CPD: variants seen among roughly 807,000 people sequenced by gnomAD.
The protein encoded by CPD is carboxypeptidase D, also known as metallocarboxypeptidase D.
Under a neutral mutation model 138.3 loss-of-function variants are expected in CPD, and 69 were observed. That is an observed-to-expected ratio of 0.50 (90% CI 0.41 to 0.61). The LOEUF is 0.61. Ranked by LOEUF, CPD falls within the 20% of genes least tolerant of loss-of-function variation. CPD has a pLI of 0.00. For synonymous variants in CPD, 651 were observed against 642.1 expected (o/e 1.01, Z -0.21); for missense variants, 1,432 against 1,733.3 (o/e 0.83, Z 3.09).
rs1910994641 is a variant in CPD at position 30,379,779 on chromosome 17, T to TG, written c.746+55dup. ...CGTGTGAGCCTCCAAGGGCCGAGGC[T>TG]GGTTCCGGCACCCAGTAGGCGCTCA... On this transcript the variant is annotated intron_variant, in intron 1 of 20. Transcript: ENST00000225719. The surrounding 1 kb of genome is among the most constrained non-coding windows in gnomAD (Gnocchi z 7.0). 17 of 1,296,840 alleles carry TG rather than the reference T, an allele frequency of 1.3e-5. 1 individual carries two copies. The South Asian group carries it at 3.1e-4, about 24-fold the overall frequency. 80.3% of individuals were successfully genotyped at this position (1,296,840 alleles called of 1,614,324 possible).
intron 2 of CPD, among the ~76,000 whole-genome samples, chr17:30,391,852 T>C (rs1911363856): frequency 6.6e-6 from 1 of 152,178 alleles, no homozygotes; most frequent in Admixed American, 6.5e-5. Flanking sequence ...GAGTTTAAAC[T>C]TACTCTTGAA....
At chr17:30,463,543 T>C (rs1489453606) in intron 20 of CPD, among the ~76,000 whole-genome samples, 1 of 152,210 alleles carries the variant, frequency 6.6e-6, no homozygotes, top group Admixed American at 6.5e-5. Context: ...AACTAATTCA[T>C]GTCATTGCTT....
intron 14 of CPD, among the ~76,000 whole-genome samples, chr17:30,453,733 C>T (rs1426977772): frequency 6.6e-6 from 1 of 152,224 alleles, no homozygotes; most frequent in African/African-American, 2.4e-5. Flanking sequence ...GAGGGGCCTG[C>T]CCCTGCAGCA....
rs534363156 is a variant in CPD, at chr17:30,464,421, T to C, written c.3917-167T>C. ...TTTGCTTATCTGTATTTTTAAACTTTGTATATTGTACATATACTGCTTCTA... is the reference window on the plus strand; with the variant it reads ...TTTGCTTATCTGTATTTTTAAACTTCGTATATTGTACATATACTGCTTCTA... On this transcript the variant is annotated intron_variant, in intron 20 of 20. Transcript: ENST00000225719. 9.8e-5 allele frequency among the ~76,000 whole-genome samples: 15 copies of C among 152,330 alleles called. No homozygotes were observed. In the East Asian group the frequency reaches 2.7e-3, roughly 27 times the overall value.
At chr17:30,385,297 A>C (rs1911154578) in intron 2 of CPD, 61 bp downstream of exon 2, 1 of 1,534,998 alleles carries the variant, frequency 6.5e-7, no homozygotes, top group South Asian at 1.2e-5. Flanking sequence ...TGTTATGTGT[A>C]TTCTGAGCAA....
intron 11 of CPD, 133 bp downstream of exon 11, chr17:30,444,104 T>C: frequency 1.2e-6 from 1 of 822,930 alleles, no homozygotes; most frequent in Admixed American, 2.6e-5. Context: ...TTAGGGCTGG[T>C]TATACCTTTG....
At chr17:30,402,500 A>AG (rs1911700266) in intron 2 of CPD, among the ~76,000 whole-genome samples, 1 of 152,218 alleles carries the variant, frequency 6.6e-6, no homozygotes, top group Non-Finnish European at 1.5e-5. Context: ...TGAGAGGCAG[A>AG]GGTTGCAGTG....
Position 30,431,811 on chromosome 17 carries a change from A to G in CPD, c.2057A>G (p.Gln686Arg). 6.2e-7 allele frequency: 1 copy of G among 1,613,102 alleles called. No individual in the cohort carries two copies. The highest frequency in any genetic ancestry group is 8.5e-7 in the Non-Finnish European group (1 of 1,179,548). ...VVNYPFDDDE[Q>R]GLATYSKSPD... ...AACTACCCTTTTGATGATGATGAAC[A>G]AGGACTTGCCACATATAGTAAATCA... Residue 686 changes from glutamine to arginine, a missense_variant, in exon 8 of 21, where the codon CAA becomes CGA. By Grantham distance (43) the Gln-to-Arg change is conservative. This residue lies in a region of CPD where 297 missense variants were observed against 405.3 expected (regional missense o/e 0.73). Transcript: ENST00000225719.
chr17:30,385,174 G>A lies in CPD; in HGVS notation c.932G>A (p.Gly311Glu), dbSNP rs751101003. The A allele has an allele frequency of 6.2e-7, 1 of 1,614,032 alleles. No individual in the cohort carries two copies. ...IMKTGEPHCP[G>E]DEDETFKDGI... is the part of the protein sequence containing the mutation. Reference sequence around the variant, plus strand: ...AAAACTGGTGAGCCTCATTGTCCAGGAGATGAAGACGAGACTTTCAAAGAT... The same window carrying A: ...AAAACTGGTGAGCCTCATTGTCCAGAAGATGAAGACGAGACTTTCAAAGAT... The change falls in exon 2 of 21, where the codon GGA (glycine) becomes GAA (glutamate). Residue 311 changes from glycine (G) to glutamate (E), a missense_variant. Transcript: ENST00000225719.
rs1177941265 is a variant in CPD, at chr17:30,422,810, A to G, written c.1444A>G (p.Ile482Val). Residue 482 changes from isoleucine to valine, a missense_variant, in exon 5 of 21, where the codon ATA becomes GTA. Physicochemically the swap from Ile to Val is conservative, Grantham distance 29. Around this residue, in one of 6 missense-constraint regions of CPD, gnomAD observed 160 missense variants for 197.9 expected, o/e 0.81. Coordinates refer to ENST00000225719, the MANE Select transcript of CPD (RefSeq NM_001304.5). ...TGTATCAACTGCTAGCACAGTTGCT[A>G]TACCTAATATTCTTTCTGGAACATC... ...EAVSTASTVA[I>V]PNILSGTSSS... 6.2e-7 allele frequency: 1 copy of G among 1,614,090 alleles called. No homozygotes were observed. The highest frequency in any genetic ancestry group is 2.2e-5 in the East Asian group (1 of 44,870).
At chr17:30,412,847 C>G (rs2058283) in intron 2 of CPD, among the ~76,000 whole-genome samples, 1 of 151,946 alleles carries the variant, frequency 6.6e-6, no homozygotes, top group African/African-American at 2.4e-5. Context: ...GTTGAGGTGA[C>G]GCCCTGCCCT....
chr17:30,420,724 T>C, intron 2 of CPD, 117 bp from the exon 3 acceptor site: 1 of 899,588 alleles, frequency 1.1e-6, no homozygotes, highest in Non-Finnish European at 1.6e-6. Flanking sequence ...TTCAAACAAT[T>C]TAATGAAAAG....
rs757376871 is a variant in CPD at position 30,379,072 on chromosome 17, C to A, written c.92C>A (p.Ala31Glu). The change falls in exon 1 of 21, where the codon GCG (alanine) becomes GAG (glutamate). Residue 31 changes from alanine to glutamate, a missense_variant. Physicochemically the swap from Ala to Glu is moderately radical, Grantham distance 107 (BLOSUM62 -1). Coordinates refer to ENST00000225719, the MANE Select transcript of CPD (RefSeq NM_001304.5). The surrounding 1 kb of genome is among the most constrained non-coding windows in gnomAD (Gnocchi z 7.0). The part of the protein sequence containing the change: ...CLLLLGSSAR[A>E]AHIKKAEATT... The stretch of plus-strand genomic sequence containing the variant: ...CTGCTGCTGGGGAGCTCGGCCCGGG[C>A]GGCTCACATCAAGAAGGCGGAGGCG... The A allele has an allele frequency of 1.9e-6, 3 of 1,560,140 alleles. No homozygotes were observed. The highest frequency in any genetic ancestry group is 1.2e-5 in the South Asian group (1 of 85,988).
chr17:30,420,984 G>A lies in CPD; in HGVS notation c.1137+1G>A. On this transcript the variant is annotated splice_donor_variant, in intron 3 of 20. Coordinates refer to ENST00000225719, the MANE Select transcript of CPD (RefSeq NM_001304.5). LOFTEE classifies it high-confidence loss of function. ...GTCTTTGATCACATTGATTGAAAAG[G>A]TAAAAGTAGATGACTGGAATGTTGG... 1 of 1,612,534 alleles carries A rather than the reference G, an allele frequency of 6.2e-7. No homozygotes were observed. Among genetic ancestry groups the A allele is most frequent in the Non-Finnish European group, 8.5e-7 (1 of 1,179,154 alleles).
At chr17:30,451,883 G>A in intron 14 of CPD, 37 bp downstream of exon 14, 1 of 1,588,468 alleles carries the variant, frequency 6.3e-7, no homozygotes, top group South Asian at 1.1e-5. Flanking sequence ...GTACTTAGGA[G>A]ATAATTTTCT....
chr17:30,423,438 G>T, intron 5 of CPD, 68 bp from the exon 6 acceptor site: 1 of 1,208,588 alleles, frequency 8.3e-7, no homozygotes, highest in East Asian at 2.7e-5. Context: ...TATATGTTGC[G>T]GAAAAAAACT....
Position 30,461,899 on chromosome 17 carries a change from T to C in CPD, c.3653T>C (p.Phe1218Ser), listed in dbSNP as rs1291885826. The change falls in exon 19 of 21, where the codon TTT (phenylalanine) becomes TCT (serine). Residue 1218 changes from phenylalanine to serine, a missense_variant. Physicochemically the swap from Phe to Ser is radical, Grantham distance 155. Around this residue, in one of 6 missense-constraint regions of CPD, gnomAD observed 366 missense variants for 518.8 expected, o/e 0.71. Coordinates refer to ENST00000225719, the MANE Select transcript of CPD (RefSeq NM_001304.5). ...CAGGTTCACAAGGGAGTTCATGGAT[T>C]TGTTAAAGATAAGACTGGAAAGCCA... ...LVEVHKGVHGFVKDKTGKPIS... is the reference protein window; with the variant it reads ...LVEVHKGVHGSVKDKTGKPIS... The C allele has an allele frequency of 3.1e-6, 5 of 1,599,556 alleles. No individual in the cohort carries two copies. The highest frequency in any genetic ancestry group is 4.3e-6 in the Non-Finnish European group (5 of 1,175,144).
chr17:30,447,853 A>G (rs1913070621), intron 12 of CPD, among the ~76,000 whole-genome samples: 1 of 152,140 alleles, frequency 6.6e-6, no homozygotes, highest in Admixed American at 6.5e-5. Context: ...ATTTTGTTAC[A>G]GTTACTCCAA....
At chr17:30,459,379 GA>G (rs1376368927) in intron 17 of CPD, among the ~76,000 whole-genome samples, 1 of 110,452 alleles carries the variant, frequency 9.1e-6, no homozygotes, top group Non-Finnish European at 1.9e-5. Flanking sequence ...TCCCTCCCCC[GA>G]CCCCACAACA....
Sources: gnomAD v4.1 joint callset for allele counts (sites outside exome capture counted in the v4.1 genomes callset) on GRCh38, gnomAD v4.1.1 for gene constraint, gnomAD v4.1.1 regional missense constraint, Gnocchi (gnomAD v3.1) non-coding constraint, MANE v1.5 for transcripts, NCBI Gene and HGNC (gene_info 2026-07-23, HGNC 2026-07-21) for gene names.